The following COX10 variants were observed in gnomAD, a reference collection of about 807,000 sequenced individuals.
COX10 encodes the protein cytochrome c oxidase assembly factor heme A:farnesyltransferase COX10, also known as protoheme IX farnesyltransferase, mitochondrial.
Under a neutral mutation model 37.3 loss-of-function variants are expected in COX10, and 27 were observed. The observed-to-expected ratio is 0.72, with a 90% CI of 0.53 to 1.00. The LOEUF is 1.00. Ranked by LOEUF, COX10 falls within the 50% of genes least tolerant of loss-of-function variation. The pLI is 0.00. For synonymous variants in COX10, 222 were observed against 229.1 expected, an observed-to-expected ratio of 0.97 and a Z score of 0.28; for missense variants, 475 against 563.2, an observed-to-expected ratio of 0.84 and a Z score of 1.59.
At chr17:14,140,410 C>G (rs534126615) in intron 4 of COX10, among the ~76,000 whole-genome samples, 1 of 151,994 alleles carries the variant, frequency 6.6e-6, no homozygotes, top group South Asian at 2.1e-4. Flanking sequence ...TTTAATCATT[C>G]CTTTAGTATT....
At chr17:14,178,867 G>C (rs1905768889) in intron 5 of COX10, among the ~76,000 whole-genome samples, 1 of 151,966 alleles carries the variant, frequency 6.6e-6, no homozygotes, top group Non-Finnish European at 1.5e-5. Flanking sequence ...ATTTCCCTGG[G>C]GCAAAGGAAA....
At chr17:14,123,853 T>C (rs991973216) in intron 4 of COX10, among the ~76,000 whole-genome samples, 5 of 152,138 alleles carry the variant, frequency 3.3e-5, no homozygotes, top group Non-Finnish European at 7.4e-5. Context: ...TCAAGAGTAG[T>C]TTAAGTATCT....
chr17:14,103,628 T>C (rs1915833492), intron 4 of COX10, among the ~76,000 whole-genome samples: 1 of 152,150 alleles, frequency 6.6e-6, no homozygotes, highest in African/African-American at 2.4e-5. Flanking sequence ...TTGTTTGAGT[T>C]GGAGCTGCTC....
At chr17:14,142,357 C>T (rs80023523) in intron 4 of COX10, among the ~76,000 whole-genome samples, 7,580 of 152,090 alleles carry the variant, frequency 0.05, 326 homozygotes, top group African/African-American at 0.11. Context: ...GGCAGACAGC[C>T]GATAAATACA....
chr17:14,187,153 G>A (rs1344086643), intron 5 of COX10, among the ~76,000 whole-genome samples: 27 of 151,830 alleles, frequency 1.8e-4, no homozygotes, highest in Non-Finnish European at 2.9e-5. Flanking sequence ...AAACTCTCTG[G>A]AGTACAGCCT....
At chr17:14,162,295 A>T (rs573440221) in intron 5 of COX10, among the ~76,000 whole-genome samples, 1 of 152,300 alleles carries the variant, frequency 6.6e-6, no homozygotes, top group Admixed American at 6.5e-5. Flanking sequence ...ACTGGCAAAA[A>T]ATACAAGAAA....
intron 4 of COX10, among the ~76,000 whole-genome samples, chr17:14,120,839 T>A (rs906572097): frequency 5.3e-5 from 8 of 152,224 alleles, no homozygotes; most frequent in Non-Finnish European, 8.8e-5. Flanking sequence ...GAAGTTTGGC[T>A]TCTCTAATCA....
intron 3 of COX10, among the ~76,000 whole-genome samples, chr17:14,087,566 C>T (rs539265143): frequency 3.3e-5 from 5 of 152,110 alleles, no homozygotes; most frequent in East Asian, 1.9e-4. Flanking sequence ...TGTTGGAGTT[C>T]GCTCGCATTT....
Position 14,183,116 on chromosome 17 carries a change from C to T in COX10, c.696-8873C>T, listed in dbSNP as rs1361931922. On this transcript the variant is annotated intron_variant, in intron 5 of 6. Transcript: ENST00000261643. ...TCTCAATCCATCAGTTTCTTTTCTA[C>T]AGTAGCCTTGGGCAGGAAAGGCAGA... Among the ~76,000 whole-genome samples, 3 of 148,716 alleles carry T rather than the reference C, an allele frequency of 2.0e-5. No individual in the cohort carries two copies. The East Asian group carries it at 5.9e-4, about 29-fold the overall frequency.
At chr17:14,087,796 T>A (rs1287859739) in intron 3 of COX10, among the ~76,000 whole-genome samples, 2 of 152,036 alleles carry the variant, frequency 1.3e-5, no homozygotes, top group Non-Finnish European at 2.9e-5. Context: ...GGTATGTCTG[T>A]GTCCAGCCTC....
intron 6 of COX10, among the ~76,000 whole-genome samples, chr17:14,200,358 T>C (rs115202232): frequency 0.014 from 2,187 of 152,322 alleles, 59 homozygotes; most frequent in African/African-American, 0.049. Context: ...TGTTGTAGAA[T>C]GTTTGATAGA....
At chr17:14,131,309 G>A (rs1169638295) in intron 4 of COX10, among the ~76,000 whole-genome samples, 1 of 151,982 alleles carries the variant, frequency 6.6e-6, no homozygotes, top group Non-Finnish European at 1.5e-5. Context: ...AGATGATGAG[G>A]TAGTTCTATC....
chr17:14,085,329 T>C (rs1915386596), intron 3 of COX10, among the ~76,000 whole-genome samples: 1 of 152,246 alleles, frequency 6.6e-6, no homozygotes, highest in Non-Finnish European at 1.5e-5. Flanking sequence ...TTTAGTTATT[T>C]GCTTTCTTCC....
intron 4 of COX10, among the ~76,000 whole-genome samples, chr17:14,158,255 G>A (rs1990234): frequency 0.58 from 87,945 of 151,550 alleles, 25,927 homozygotes; most frequent in Non-Finnish European, 0.62. Context: ...TTAAAAGTAG[G>A]TAGTTTGTAG....
At chr17:14,152,453 G>C (rs1292971236) in intron 4 of COX10, among the ~76,000 whole-genome samples, 2 of 152,146 alleles carry the variant, frequency 1.3e-5, no homozygotes, top group Non-Finnish European at 1.5e-5. Flanking sequence ...CTCCCACCAG[G>C]TCCCTCCCAC....
At chr17:14,206,577 C>T (rs1391401231) in intron 6 of COX10, among the ~76,000 whole-genome samples, 1 of 152,128 alleles carries the variant, frequency 6.6e-6, no homozygotes, top group Non-Finnish European at 1.5e-5. Flanking sequence ...CCCCCAGGCA[C>T]ACTGGCACCC....
chr17:14,113,400 T>G (rs1254334697), intron 4 of COX10, among the ~76,000 whole-genome samples: 1 of 152,100 alleles, frequency 6.6e-6, no homozygotes, highest in African/African-American at 2.4e-5. Context: ...CCAATTCTTG[T>G]CTTTGAAGTA....
chr17:14,071,504 G>A (rs1356826702), intron 1 of COX10, among the ~76,000 whole-genome samples: 1 of 152,132 alleles, frequency 6.6e-6, no homozygotes, highest in African/African-American at 2.4e-5. Flanking sequence ...TGGCAGAGAA[G>A]GTAAACTGGG....
chr17:14,189,538 T>G (rs917105968), intron 5 of COX10, among the ~76,000 whole-genome samples: 1 of 152,258 alleles, frequency 6.6e-6, no homozygotes, highest in Admixed American at 6.5e-5. Context: ...TGCTTCTGTT[T>G]TAGCAGAATT....
Sources: allele counts gnomAD v4.1 joint callset (sites outside exome capture counted in the v4.1 genomes callset), GRCh38; gene constraint gnomAD v4.1.1; transcripts MANE v1.5; gene names NCBI Gene and HGNC (gene_info 2026-07-23, HGNC 2026-07-21).